The following GPR39 variants were observed in gnomAD, a reference collection of about 807,000 sequenced individuals.
GPR39 encodes the protein G protein-coupled receptor 39, also known as zinc sensing receptor.
GPR39 carries 23 observed loss-of-function variants against 18.4 expected under a neutral mutation model. The observed-to-expected ratio is 1.25, with a 90% CI of 0.90 to 1.77. The LOEUF (loss-of-function observed/expected upper bound fraction) is 1.77. GPR39 is among the 40% of genes most tolerant of loss of function. GPR39 has a pLI of 0.00. For synonymous variants in GPR39, 280 were observed against 257.9 expected (o/e 1.09, Z -0.82); for missense variants, 647 against 602.4 (o/e 1.07, Z -0.78).
intron 1 of GPR39, among the ~76,000 whole-genome samples, chr2:132,530,289 A>T (rs932277379): frequency 6.6e-6 from 1 of 152,138 alleles, no homozygotes; most frequent in African/African-American, 2.4e-5. Context: ...ATGAAGAGAG[A>T]AGAGAAGTTT....
rs1280709293 is a variant in GPR39, at chr2:132,417,825, G to A, written c.783G>A (p.Thr261=). 8 of 1,613,634 alleles carry A rather than the reference G, an allele frequency of 5.0e-6. No homozygotes were observed. The highest frequency in any genetic ancestry group is 6.8e-6 in the Non-Finnish European group (8 of 1,180,004). The change falls in exon 1 of 2, where the codon ACG becomes ACA. Residue 261 remains threonine (T), a synonymous_variant. Coordinates refer to ENST00000329321, the MANE Select transcript of GPR39 (RefSeq NM_001508.3). The part of the protein sequence containing the change: ...KSQKGSLAGG[T]RPPQLRKSES... Reference sequence around the variant, plus strand: ...AGAAGGGCTCGCTGGCCGGGGGCACGCGGCCTCCGCAGCTGAGGAAGTCCG... The same window carrying A: ...AGAAGGGCTCGCTGGCCGGGGGCACACGGCCTCCGCAGCTGAGGAAGTCCG...
At chr2:132,587,827 G>T (rs780215835) in intron 1 of GPR39, among the ~76,000 whole-genome samples, 1 of 152,150 alleles carries the variant, frequency 6.6e-6, no homozygotes, top group Admixed American at 6.5e-5. Flanking sequence ...GAGCCACTGC[G>T]CCCAGCCTAG....
chr2:132,493,488 C>CATATATATATATACACCATATATATAT (rs1681561411), intron 1 of GPR39, among the ~76,000 whole-genome samples: 1 of 117,486 alleles, frequency 8.5e-6, no homozygotes, highest in African/African-American at 3.4e-5. Flanking sequence ...ATATATACAC[C>CATATATATATATACACCATATATATAT]ATATATATAT....
intron 1 of GPR39, among the ~76,000 whole-genome samples, chr2:132,453,797 T>G (rs927535653): frequency 1.3e-5 from 2 of 152,058 alleles, no homozygotes; most frequent in Non-Finnish European, 2.9e-5. Context: ...TTGTAGATAT[T>G]TGGTGTTATT....
chr2:132,530,730 A>G (rs1156833683), intron 1 of GPR39, among the ~76,000 whole-genome samples: 2 of 152,240 alleles, frequency 1.3e-5, no homozygotes, highest in Admixed American at 1.3e-4. Flanking sequence ...TTTCCAACCC[A>G]GAATTTCATA....
At chr2:132,557,317 C>CA (rs1358388387) in intron 1 of GPR39, among the ~76,000 whole-genome samples, 1 of 152,252 alleles carries the variant, frequency 6.6e-6, no homozygotes, top group African/African-American at 2.4e-5. Flanking sequence ...GACTCCATCT[C>CA]AAAAAACCCC....
intron 1 of GPR39, among the ~76,000 whole-genome samples, chr2:132,607,345 T>C (rs530323317): frequency 1.3e-5 from 2 of 152,212 alleles, no homozygotes. Context: ...GTAAAATTTA[T>C]TGGGTTGATC....
At chr2:132,558,746 C>T (rs185519149) in intron 1 of GPR39, among the ~76,000 whole-genome samples, 3 of 152,226 alleles carry the variant, frequency 2.0e-5, no homozygotes. Flanking sequence ...AAGTAATAAG[C>T]ATTAGTGACC....
chr2:132,418,189 C>T (rs188509260), intron 1 of GPR39, among the ~76,000 whole-genome samples: 121 of 152,194 alleles, frequency 8.0e-4, no homozygotes, highest in Non-Finnish European at 1.6e-3. Context: ...TGGGAAGTCA[C>T]AAAAATCTTT....
intron 1 of GPR39, among the ~76,000 whole-genome samples, chr2:132,530,606 A>C (rs1407103016): frequency 1.3e-5 from 2 of 152,220 alleles, no homozygotes; most frequent in East Asian, 1.9e-4. Context: ...CCAGAGAGAA[A>C]GGTCGGGTTA....
intron 1 of GPR39, among the ~76,000 whole-genome samples, chr2:132,558,549 G>A (rs1680194225): frequency 6.6e-6 from 1 of 152,314 alleles, no homozygotes; most frequent in African/African-American, 2.4e-5. Context: ...GTCCTAATGA[G>A]CTGGGGGCAC....
rs1235021608 is a variant in GPR39 at position 132,620,750 on chromosome 2, TTTTA to T, written c.857-24342_857-24339del. On this transcript the variant is annotated intron_variant, in intron 1 of 1. Transcript: ENST00000329321. The stretch of plus-strand genomic sequence containing the variant: ...TCAGATCACAACCTTCACATTTTAT[TTTTA>T]TTTATTTAGTTATTTTGAGATGGAG... Among the ~76,000 whole-genome samples, 12 of 152,210 alleles carry T rather than the reference TTTTA, an allele frequency of 7.9e-5. No homozygotes were observed. The East Asian group carries it at 2.1e-3, about 27-fold the overall frequency.
At chr2:132,523,579 T>A (rs973978485) in intron 1 of GPR39, 1 of 152,186 alleles carries the variant, frequency 6.6e-6, no homozygotes, top group African/African-American at 2.4e-5. Flanking sequence ...CTCTGTGAAT[T>A]GGGAGCTGCC....
At chr2:132,612,438 G>A (rs1003926796) in intron 1 of GPR39, among the ~76,000 whole-genome samples, 2 of 152,148 alleles carry the variant, frequency 1.3e-5, no homozygotes, top group African/African-American at 4.8e-5. Context: ...TTACTTCAAA[G>A]CAAGACCACG....
intron 1 of GPR39, among the ~76,000 whole-genome samples, chr2:132,548,500 G>T (rs1177919090): frequency 6.6e-6 from 1 of 152,194 alleles, no homozygotes; most frequent in Non-Finnish European, 1.5e-5. Context: ...CTAATGGACA[G>T]ACTTAGTGAA....
chr2:132,587,848 A>C (rs1156396751), intron 1 of GPR39, among the ~76,000 whole-genome samples: 1 of 152,242 alleles, frequency 6.6e-6, no homozygotes, highest in African/African-American at 2.4e-5. Flanking sequence ...ATTTGTCTTT[A>C]ATATATGTTA....
At chr2:132,464,629 C>T (rs1680892669) in intron 1 of GPR39, among the ~76,000 whole-genome samples, 2 of 152,118 alleles carry the variant, frequency 1.3e-5, no homozygotes, top group Non-Finnish European at 2.9e-5. Flanking sequence ...GAAAAGTGGG[C>T]TGTATGTGAG....
rs570076260 is a variant in GPR39 at position 132,462,902 on chromosome 2, T to C, written c.856+45004T>C. Reference sequence around the variant, plus strand: ...CTATGTAGGTACAAATATTCCTATTTTTACTTATAAGTTTATAATAATAAT... The same window carrying C: ...CTATGTAGGTACAAATATTCCTATTCTTACTTATAAGTTTATAATAATAAT... On this transcript the variant is annotated intron_variant, in intron 1 of 1. Transcript: ENST00000329321. Among the ~76,000 whole-genome samples, 3 of 152,354 alleles carry C rather than the reference T, an allele frequency of 2.0e-5. No individual in the cohort carries two copies. In the South Asian group the frequency reaches 6.2e-4, roughly 32 times the overall value.
chr2:132,626,326 G>A (rs1681544736), intron 1 of GPR39, among the ~76,000 whole-genome samples: 1 of 152,136 alleles, frequency 6.6e-6, no homozygotes, highest in Admixed American at 6.5e-5. Context: ...TGGGGTTGGA[G>A]GGCAGGCCCT....
Sources: gnomAD v4.1 joint callset for allele counts (sites outside exome capture counted in the v4.1 genomes callset) on GRCh38, gnomAD v4.1.1 for gene constraint, MANE v1.5 for transcripts, NCBI Gene and HGNC (gene_info 2026-07-23, HGNC 2026-07-21) for gene names.